Variants in BLACAT1 observed in about 807,000 individuals in gnomAD.
BLACAT1 encodes bladder cancer associated transcript 1.
At position 205,450,599 on chromosome 1, in the gene BLACAT1, C is replaced by T. The variant is rs1666483246; in HGVS notation, c.-37+5318G>A. ...ACCTGCTCGAGCCTGGCCCCCTCCA[C>T]CCACCCTCACCCAGTCCTGCGCTCG... On this transcript the variant is annotated intron_variant, in intron 1 of 1. Coordinates refer to ENST00000629624, the Ensembl canonical transcript of BLACAT1. This position sits in a 1 kb window ranked among gnomAD's most constrained non-coding sequence, Gnocchi z 4.4. 6.6e-6 allele frequency among the ~76,000 whole-genome samples: 1 copy of T among 152,110 alleles called. No homozygotes were observed. Among genetic ancestry groups the T allele is most frequent in the South Asian group, 2.1e-4 (1 of 4,828 alleles).
chr1:205,443,941 G>A (rs781241323), intron 1 of BLACAT1, among the ~76,000 whole-genome samples: 3 of 152,084 alleles, frequency 2.0e-5, no homozygotes, highest in Non-Finnish European at 4.4e-5. Flanking sequence ...TGCTTTGCTC[G>A]AGCAGGAGTC....
chr1:205,442,323 TAG>T (rs2102466699), intron 1 of BLACAT1, among the ~76,000 whole-genome samples: 1 of 152,256 alleles, frequency 6.6e-6, no homozygotes, highest in East Asian at 1.9e-4. Context: ...CCTCAAGCAA[TAG>T]AGATTGCATA....
chr1:205,442,148 C>A lies in BLACAT1; in HGVS notation c.-36-1086G>T, dbSNP rs1049035957. 2.6e-5 allele frequency among the ~76,000 whole-genome samples: 4 copies of A among 152,158 alleles called. No homozygotes were observed. The East Asian group carries it at 5.8e-4, about 22-fold the overall frequency. ...AGAACAAAGGAAGGAAAGCGCCCTG[C>A]GTGGAGGTCAGGCCGGGGCCTGGTC... On this transcript the variant is annotated intron_variant, in intron 1 of 1. Transcript: ENST00000629624.
chr1:205,455,008 C>A (rs1228400990), intron 1 of BLACAT1, among the ~76,000 whole-genome samples: 1 of 152,172 alleles, frequency 6.6e-6, no homozygotes, highest in Non-Finnish European at 1.5e-5. Context: ...CTCCCTTGGG[C>A]CCCCAGACGC....
In BLACAT1 at chr1:205,441,387, A is replaced by C. The variant is rs570385260; in HGVS notation, c.-36-325T>G. ...CCGCTCTGCCCCACCTCATCACCATATACCTGTGGTTGGGGAACAGGAAGC... is the reference window on the plus strand; with the variant it reads ...CCGCTCTGCCCCACCTCATCACCATCTACCTGTGGTTGGGGAACAGGAAGC... On this transcript the variant is annotated intron_variant, in intron 1 of 1. Transcript: ENST00000629624. The surrounding 1 kb of genome is among the most constrained non-coding windows in gnomAD (Gnocchi z 4.3). 7.1e-4 allele frequency among the ~76,000 whole-genome samples: 108 copies of C among 152,166 alleles called. 1 individual carries two copies. In the South Asian group the frequency reaches 0.022, roughly 31 times the overall value.
downstream of BLACAT1, among the ~76,000 whole-genome samples, chr1:205,439,176 C>T (rs188266597): frequency 3.6e-4 from 55 of 152,354 alleles, no homozygotes; most frequent in Admixed American, 2.3e-3. Context: ...AAGGCCTCTA[C>T]TATCCAAGAG....
intron 1 of BLACAT1, among the ~76,000 whole-genome samples, chr1:205,453,666 G>A (rs1016057444): frequency 6.6e-6 from 1 of 151,998 alleles, no homozygotes; most frequent in Non-Finnish European, 1.5e-5. Context: ...GAGCAAACAC[G>A]GGCAGAAGCT....
At chr1:205,453,875 G>A (rs895829234) in intron 1 of BLACAT1, among the ~76,000 whole-genome samples, 2 of 152,168 alleles carry the variant, frequency 1.3e-5, no homozygotes, top group Admixed American at 6.5e-5. Flanking sequence ...TGGGTCATTG[G>A]CAAACTCACA....
chr1:205,436,872 CCACATCTGGG>C (rs1159636414), downstream of BLACAT1: 3 of 152,246 alleles, frequency 2.0e-5, no homozygotes, highest in African/African-American at 7.2e-5. Flanking sequence ...AAAGTTCCAG[CCACATCTGGG>C]CACATCTGAT....
intron 1 of BLACAT1, among the ~76,000 whole-genome samples, chr1:205,442,439 G>A (rs1217009400): frequency 6.6e-6 from 1 of 152,208 alleles, no homozygotes; most frequent in African/African-American, 2.4e-5. Context: ...AGTTCCACTG[G>A]TCTGGACAAC....
chr1:205,435,447 C>T (rs1318840364), downstream of BLACAT1: 1 of 152,192 alleles, frequency 6.6e-6, no homozygotes, highest in Admixed American at 6.5e-5. Flanking sequence ...GAGGAATCTA[C>T]TTTTCAGCCT....
rs1312792857 is a variant in BLACAT1 at position 205,450,941 on chromosome 1, G to A, written c.-37+4976C>T. ...AGAACCTGGGCAGTGAAAGGCCACT[G>A]CTGGGCGAGAACCTCGAGGACTCCC... On this transcript the variant is annotated intron_variant, in intron 1 of 1. Transcript: ENST00000629624. The surrounding 1 kb of genome is among the most constrained non-coding windows in gnomAD (Gnocchi z 4.4). Among the ~76,000 whole-genome samples, 1 of 152,164 alleles carries A rather than the reference G, an allele frequency of 6.6e-6. No homozygotes were observed. The highest frequency in any genetic ancestry group is 1.5e-5 in the Non-Finnish European group (1 of 68,034).
chr1:205,455,524 C>A (rs1372678719), intron 1 of BLACAT1, among the ~76,000 whole-genome samples: 6 of 152,152 alleles, frequency 3.9e-5, no homozygotes, highest in Admixed American at 3.9e-4. Flanking sequence ...CACTCCATAC[C>A]ATGGGGTATA....
chr1:205,451,566 G>C (rs567787682), intron 1 of BLACAT1, among the ~76,000 whole-genome samples: 19 of 152,196 alleles, frequency 1.2e-4, no homozygotes, highest in African/African-American at 4.6e-4. Flanking sequence ...GAGTGGTCGG[G>C]GGGGTAACCA....
rs371074463 is a variant in BLACAT1 at position 205,444,729 on chromosome 1, G to C, written c.-36-3667C>G. On this transcript the variant is annotated intron_variant, in intron 1 of 1. Coordinates refer to ENST00000629624, the Ensembl canonical transcript of BLACAT1. ...GTCCTTCATCAGAGTGGGCGGCAGC[G>C]GGGGTGGAAGGCTAGGAAGCTATTT... Among the ~76,000 whole-genome samples, 23 of 152,220 alleles carry C rather than the reference G, an allele frequency of 1.5e-4. No homozygotes were observed. The East Asian group carries it at 4.1e-3, about 27-fold the overall frequency.
intron 1 of BLACAT1, among the ~76,000 whole-genome samples, chr1:205,443,030 A>C (rs1398361859): frequency 6.6e-6 from 1 of 152,184 alleles, no homozygotes; most frequent in African/African-American, 2.4e-5. Flanking sequence ...CTGGAATCCT[A>C]ACTTGATCCG....
At position 205,450,413 on chromosome 1, in the gene BLACAT1, T is replaced by C. The variant is rs1008380558; in HGVS notation, c.-37+5504A>G. ...ATAGTTTAATTTTTGGCAGGAGACC[T>C]GAGACGGCTCCCTGCAGGCCCCCCT... is the stretch of plus-strand genomic sequence containing the variant. On this transcript the variant is annotated intron_variant, in intron 1 of 1. Coordinates refer to ENST00000629624, the Ensembl canonical transcript of BLACAT1. The surrounding 1 kb of genome is among the most constrained non-coding windows in gnomAD (Gnocchi z 4.4). Among the ~76,000 whole-genome samples, 7 of 146,832 alleles carry C rather than the reference T, an allele frequency of 4.8e-5. No individual in the cohort carries two copies. The highest frequency in any genetic ancestry group is 6.8e-5 in the Admixed American group (1 of 14,716).
chr1:205,439,084 G>A (rs1337403855), downstream of BLACAT1, among the ~76,000 whole-genome samples: 2 of 152,124 alleles, frequency 1.3e-5, no homozygotes, highest in African/African-American at 2.4e-5. Flanking sequence ...GCAGGTGACC[G>A]CTAGGGAAAC....
chr1:205,449,342 T>C (rs908615082), intron 1 of BLACAT1, among the ~76,000 whole-genome samples: 1 of 151,754 alleles, frequency 6.6e-6, no homozygotes, highest in Non-Finnish European at 1.5e-5. Flanking sequence ...CTAGGGCTCC[T>C]GCTAGCCCAG....
Sources: gnomAD v4.1 joint callset for allele counts (sites outside exome capture counted in the v4.1 genomes callset) on GRCh38, gnomAD v4.1.1 for gene constraint, Gnocchi (gnomAD v3.1) non-coding constraint, MANE v1.5 for transcripts, NCBI Gene and HGNC (gene_info 2026-07-23, HGNC 2026-07-21) for gene names.